Variants in FOXP1 observed in about 807,000 individuals in gnomAD.
The protein encoded by FOXP1 is forkhead box P1, also known as forkhead box protein P1.
Under a neutral mutation model 98.2 loss-of-function variants are expected in FOXP1, and 15 were observed. The observed-to-expected ratio is 0.15, with a 90% CI of 0.10 to 0.24. The LOEUF (loss-of-function observed/expected upper bound fraction) is 0.24, where lower values mean the gene tolerates loss of function less well. Ranked by LOEUF, FOXP1 falls within the 10% of genes least tolerant of loss-of-function variation. The pLI is 1.00. For synonymous variants in FOXP1, 371 were observed against 314.5 expected (o/e 1.18, Z -1.90); for missense variants, 633 against 848.5 (o/e 0.75, Z 3.15).
chr3:71,246,457 C>T (rs940706206), intron 5 of FOXP1, among the ~76,000 whole-genome samples: 2 of 152,166 alleles, frequency 1.3e-5, no homozygotes, highest in Non-Finnish European at 2.9e-5. Flanking sequence ...ACTTCCAAAG[C>T]TCAGAAAGAG....
chr3:71,060,471 GC>G (rs1192288286), intron 7 of FOXP1, among the ~76,000 whole-genome samples: 2 of 152,046 alleles, frequency 1.3e-5, no homozygotes, highest in African/African-American at 4.8e-5. Context: ...GTTCAAAAAT[GC>G]CTAGTAAAAT....
intron 5 of FOXP1, among the ~76,000 whole-genome samples, chr3:71,292,004 C>T (rs536497465): frequency 3.3e-5 from 5 of 152,120 alleles, no homozygotes; most frequent in South Asian, 4.1e-4. Flanking sequence ...TGTGCCTGGC[C>T]GCTGATTCCA....
chr3:71,507,612 C>T (rs1400821888), intron 2 of FOXP1, among the ~76,000 whole-genome samples: 1 of 151,424 alleles, frequency 6.6e-6, no homozygotes, highest in Non-Finnish European at 1.5e-5. Context: ...GAGTCTCGCT[C>T]TGTCACCGAG....
At chr3:71,051,700 A>G (rs1419464898) in intron 9 of FOXP1, among the ~76,000 whole-genome samples, 1 of 152,224 alleles carries the variant, frequency 6.6e-6, no homozygotes, top group Non-Finnish European at 1.5e-5. Flanking sequence ...GTTAAATTGG[A>G]TAACTCTGGA....
chr3:71,112,426 CAGA>C, intron 7 of FOXP1, 107 bp downstream of exon 7: 5 of 936,384 alleles, frequency 5.3e-6, no homozygotes, highest in East Asian at 2.4e-5. Flanking sequence ...GCACTTTCCA[CAGA>C]AGATTTTCTT....
At position 71,007,447 on chromosome 3, in the gene FOXP1, C is replaced by T. The variant is rs985522310; in HGVS notation, c.975-6388G>A. Among the ~76,000 whole-genome samples the T allele has an allele frequency of 2.6e-5, 4 of 152,120 alleles. No individual in the cohort carries two copies. The South Asian group carries it at 8.3e-4, about 32-fold the overall frequency. ...TGGGTTTGAAACAATTTATGATATC[C>T]GGCCTCCTTCGACATGTATTAGCAT... On this transcript the variant is annotated intron_variant, in intron 12 of 20. Coordinates refer to ENST00000649528, the MANE Select transcript of FOXP1 (RefSeq NM_001349338.3).
intron 7 of FOXP1, among the ~76,000 whole-genome samples, chr3:71,063,082 A>G (rs1335234109): frequency 5.9e-5 from 9 of 152,350 alleles, no homozygotes; most frequent in Non-Finnish European, 1.2e-4. Flanking sequence ...ATCAACTTTG[A>G]TTATCAAGTG....
chr3:71,333,054 T>C (rs1286066418), intron 4 of FOXP1: 1 of 152,248 alleles, frequency 6.6e-6, no homozygotes, highest in Non-Finnish European at 1.5e-5. Context: ...GGGAGGAGTC[T>C]AGTGCTTATG....
chr3:71,018,062 T>C (rs1008704492), intron 11 of FOXP1, among the ~76,000 whole-genome samples: 1 of 152,120 alleles, frequency 6.6e-6, no homozygotes, highest in African/African-American at 2.4e-5. Flanking sequence ...AAGCTGGGAG[T>C]GTTCTGAAAA....
rs2108381191 is a variant in FOXP1 at position 71,198,274 on chromosome 3, C to G, written c.108G>C (p.Arg36=). Residue 36 remains arginine, a synonymous_variant, in exon 6 of 21, where the codon CGG becomes CGC. Coordinates refer to ENST00000649528, the MANE Select transcript of FOXP1 (RefSeq NM_001349338.3). ...CCACGGCCGGCGTCTCTCCGTTGGA[C>G]CGCCCCTCCCGAAGACCGCCGCACT... The part of the protein sequence containing the change: ...LLECGGLREG[R]SNGETPAVDI... 1 of 1,614,168 alleles carries G rather than the reference C, an allele frequency of 6.2e-7. No homozygotes were observed. Among genetic ancestry groups the G allele is most frequent in the Non-Finnish European group, 8.5e-7 (1 of 1,180,042 alleles).
At position 71,000,959 on chromosome 3, in the gene FOXP1, A is replaced by T; in HGVS notation, c.1062+13T>A. The T allele has an allele frequency of 6.4e-7, 1 of 1,568,656 alleles. No homozygotes were observed. The highest frequency in any genetic ancestry group is 8.8e-7 in the Non-Finnish European group (1 of 1,138,708). On this transcript the variant is annotated intron_variant, in intron 13 of 20. Coordinates refer to ENST00000649528, the MANE Select transcript of FOXP1 (RefSeq NM_001349338.3). ...CATACTGAGGTTAATATTAAAAATA[A>T]ATGTGGTTTTACCTGTAGCTCTAAC... is the stretch of plus-strand genomic sequence containing the variant.
chr3:71,463,271 C>T (rs570415656), intron 3 of FOXP1, among the ~76,000 whole-genome samples: 4 of 146,494 alleles, frequency 2.7e-5, no homozygotes, highest in South Asian at 2.1e-4. Flanking sequence ...GGCTGAGGCA[C>T]GAGAATTGCT....
chr3:71,381,537 G>A (rs1366553072), intron 3 of FOXP1, among the ~76,000 whole-genome samples: 4 of 148,488 alleles, frequency 2.7e-5, no homozygotes, highest in Admixed American at 2.1e-4. Flanking sequence ...CAACCTCCTC[G>A]GGTTCAAGTG....
intron 17 of FOXP1, among the ~76,000 whole-genome samples, chr3:70,973,376 C>T (rs2036756830): frequency 1.3e-5 from 2 of 152,132 alleles, no homozygotes; most frequent in African/African-American, 2.4e-5. Context: ...GTGGAACTCT[C>T]AATGGCAAAA....
intron 2 of FOXP1, among the ~76,000 whole-genome samples, chr3:71,528,104 C>A (rs2043543068): frequency 6.6e-6 from 1 of 152,204 alleles, no homozygotes; most frequent in Admixed American, 6.5e-5. Context: ...CCTAAAAATG[C>A]AGATCCCCAA....
At chr3:71,302,513 T>TAA (rs34872613) in intron 4 of FOXP1, among the ~76,000 whole-genome samples, 2,848 of 131,744 alleles carry the variant, frequency 0.022, 39 homozygotes, top group Middle Eastern at 0.061. Context: ...AGCTTTTATG[T>TAA]AAAAAAAAAA....
chr3:71,278,444 C>G (rs2071153785), intron 5 of FOXP1, among the ~76,000 whole-genome samples: 1 of 152,188 alleles, frequency 6.6e-6, no homozygotes. Flanking sequence ...TTGCCTCCAT[C>G]CTGGTGCTTA....
intron 19 of FOXP1, chr3:70,969,583 T>A (rs1160019427): frequency 6.6e-6 from 1 of 152,246 alleles, no homozygotes; most frequent in Non-Finnish European, 1.5e-5. Context: ...CCTGTCAGTA[T>A]CTCCTCCTTC....
At position 70,955,570 on chromosome 3, in the gene FOXP1, GTTTT is replaced by G. The variant is rs35502550; in HGVS notation, c.*3673_*3676del. On this transcript the variant is annotated 3_prime_UTR_variant, in exon 21 of 21. Transcript: ENST00000649528. ...TCTTTACATCTTGGCACCTTGTAAAGTTTTTTTTTTTTTATACAAAAGTTCAATA... is the reference window on the plus strand; with the variant it reads ...TCTTTACATCTTGGCACCTTGTAAAGTTTTTTTTTATACAAAAGTTCAATA... The G allele has an allele frequency of 5.2e-6, 1 of 192,430 alleles. No homozygotes were observed. 11.9% of individuals were successfully genotyped at this position (192,430 alleles called of 1,614,324 possible).
Sources: allele counts gnomAD v4.1 joint callset (sites outside exome capture counted in the v4.1 genomes callset), GRCh38; gene constraint gnomAD v4.1.1; transcripts MANE v1.5; gene names NCBI Gene and HGNC (gene_info 2026-07-23, HGNC 2026-07-21).